The following RTL4 variants were observed in gnomAD, a reference collection of about 807,000 sequenced individuals.
RTL4 encodes the protein retrotransposon Gag like 4, also known as retrotransposon Gag-like protein 4.
Under a neutral mutation model 5.3 loss-of-function variants are expected in RTL4, and 4 were observed. The observed-to-expected ratio is 0.75, with a 90% confidence interval of 0.37 to 1.72. RTL4 has a LOEUF of 1.72. Ranked by LOEUF, RTL4 falls within the 40% of genes most tolerant of loss-of-function variation. The probability of loss-of-function intolerance (pLI) is 0.04; values close to 1 mark genes in which losing one functional copy is unlikely to be tolerated. For synonymous variants in RTL4, 98 were observed against 87.3 expected, an observed-to-expected ratio of 1.12 and a Z score of -0.68; for missense variants, 260 against 227.1, an observed-to-expected ratio of 1.14 and a Z score of -0.93.
chrX:112,183,224 G>C, the RTL4 span, among the ~76,000 whole-genome samples: 1 of 112,178 alleles, frequency 8.9e-6, no homozygotes, highest in Non-Finnish European at 1.9e-5. Context: ...AAATTGCAAA[G>C]ACCATTGACA....
chrX:112,194,886 G>A, the RTL4 span, among the ~76,000 whole-genome samples: 1 of 112,201 alleles, frequency 8.9e-6, no homozygotes, highest in Non-Finnish European at 1.9e-5. Flanking sequence ...GGGTGCTGAA[G>A]GAAAGAGAGC....
chrX:112,106,189 G>A, the RTL4 span, among the ~76,000 whole-genome samples: 1 of 112,114 alleles, frequency 8.9e-6, no homozygotes, highest in South Asian at 3.7e-4. Flanking sequence ...ATTTGTGTAT[G>A]TTGCATCAAC....
the RTL4 span, among the ~76,000 whole-genome samples, chrX:112,228,611 A>G: frequency 8.9e-6 from 1 of 111,767 alleles, no homozygotes; most frequent in Non-Finnish European, 1.9e-5. Context: ...TATAGTTACC[A>G]TGCTGTGCAT....
chrX:112,358,831 T>C, the RTL4 span, among the ~76,000 whole-genome samples: 1 of 112,113 alleles, frequency 8.9e-6, no homozygotes, highest in South Asian at 3.7e-4. Context: ...GGTTGAGTGT[T>C]CATCCTTAAA....
At chrX:112,310,184 G>A in the RTL4 span, among the ~76,000 whole-genome samples, 1 of 100,006 alleles carries the variant, frequency 1.0e-5, no homozygotes, top group Non-Finnish European at 2.0e-5. Context: ...ATGGGGCTTT[G>A]GGGTGGCAGT....
chrX:112,222,531 C>A, the RTL4 span, among the ~76,000 whole-genome samples: 1 of 109,632 alleles, frequency 9.1e-6, no homozygotes, highest in East Asian at 2.9e-4. Context: ...AGTTCAAGAC[C>A]AGCCTAGGCA....
chrX:112,144,477 C>T, the RTL4 span, among the ~76,000 whole-genome samples: 1 of 110,987 alleles, frequency 9.0e-6, no homozygotes, highest in South Asian at 3.9e-4. Context: ...AATGTTACTG[C>T]ATGTATGGGG....
chrX:112,393,161 G>GTTTTTTTTTTTTTTTTTTTT, the RTL4 span, among the ~76,000 whole-genome samples: 2 of 71,326 alleles, frequency 2.8e-5, no homozygotes, highest in East Asian at 4.1e-4. Flanking sequence ...TTTTTTTTTT[G>GTTTTTTTTTTTTTTTTTTTT]TTTTTTTTTT....
the RTL4 span, among the ~76,000 whole-genome samples, chrX:112,329,961 C>G: frequency 9.4e-5 from 10 of 106,871 alleles, no homozygotes; most frequent in Non-Finnish European, 1.4e-4. Flanking sequence ...ATTCAACAAC[C>G]CTTCATGCTA....
chrX:112,254,676 G>T, the RTL4 span, among the ~76,000 whole-genome samples: 2 of 110,164 alleles, frequency 1.8e-5, no homozygotes, highest in African/African-American at 3.3e-5. Context: ...AGGGGCGGGG[G>T]GCATTAAGAA....
chrX:112,104,503 T>C, the RTL4 span, among the ~76,000 whole-genome samples: 1 of 111,840 alleles, frequency 8.9e-6, no homozygotes, highest in Non-Finnish European at 1.9e-5. Flanking sequence ...TACTAATTTA[T>C]CTTCCTACCA....
chrX:112,129,236 T>C, the RTL4 span, among the ~76,000 whole-genome samples: 2 of 111,782 alleles, frequency 1.8e-5, no homozygotes, highest in African/African-American at 6.5e-5. Context: ...CCTTTTGTAT[T>C]GCTGATGGGA....
At chrX:112,167,052 C>G in the RTL4 span, among the ~76,000 whole-genome samples, 1 of 111,048 alleles carries the variant, frequency 9.0e-6, no homozygotes, top group Non-Finnish European at 1.9e-5. Flanking sequence ...CTTTGTGTAC[C>G]TAACAGGAAG....
At chrX:112,381,649 T>C in the RTL4 span, 1 of 1,207,671 alleles carries the variant, frequency 8.3e-7, no homozygotes, top group Non-Finnish European at 1.1e-6. Flanking sequence ...TTTCAGTGCT[T>C]AAAGCAGCGC....
At chrX:112,284,919 A>G in the RTL4 span, among the ~76,000 whole-genome samples, 4 of 111,491 alleles carry the variant, frequency 3.6e-5, no homozygotes, top group Admixed American at 9.6e-5. Flanking sequence ...ATGGAGACAA[A>G]TGGACCCTGA....
the RTL4 span, among the ~76,000 whole-genome samples, chrX:112,212,103 G>A: frequency 1.8e-5 from 2 of 112,590 alleles, no homozygotes. Context: ...TGGGCCGGGC[G>A]CGGTGGCTCA....
At chrX:112,223,912 A>G in the RTL4 span, among the ~76,000 whole-genome samples, 1 of 111,991 alleles carries the variant, frequency 8.9e-6, no homozygotes, top group East Asian at 2.8e-4. Flanking sequence ...CTTTTCATGT[A>G]GTGATGCCTT....
chrX:112,194,203 A>G, the RTL4 span, among the ~76,000 whole-genome samples: 1 of 112,094 alleles, frequency 8.9e-6, no homozygotes, highest in Admixed American at 9.5e-5. Flanking sequence ...AGTTATAATT[A>G]TTAGGTCTCT....
the RTL4 span, among the ~76,000 whole-genome samples, chrX:112,448,990 G>A: frequency 2.7e-4 from 30 of 111,818 alleles, 1 homozygote; most frequent in Admixed American, 2.8e-3. Context: ...GAAAACTGGG[G>A]AAATGTAACA....
Sources: gnomAD v4.1 joint callset for allele counts (sites outside exome capture counted in the v4.1 genomes callset) on GRCh38, gnomAD v4.1.1 for gene constraint, MANE v1.5 for transcripts, NCBI Gene and HGNC (gene_info 2026-07-23, HGNC 2026-07-21) for gene names.